ADD1: variants seen among roughly 807,000 people sequenced by gnomAD.
ADD1 encodes alpha-adducin.
Under a neutral mutation model 80.5 loss-of-function variants are expected in ADD1, and 24 were observed. The observed-to-expected ratio is 0.30, with a 90% CI of 0.22 to 0.42. The LOEUF is 0.42. Ranked by LOEUF, ADD1 falls within the 10% of genes least tolerant of loss-of-function variation. ADD1 has a pLI of 1.00. For synonymous variants in ADD1, 373 were observed against 393.8 expected (o/e 0.95, Z 0.63); for missense variants, 948 against 1,019.0 (o/e 0.93, Z 0.95).
At chr4:2,883,612 C>CTTG (rs1169624140) in intron 3 of ADD1, among the ~76,000 whole-genome samples, 1 of 152,018 alleles carries the variant, frequency 6.6e-6, no homozygotes, top group African/African-American at 2.4e-5. Flanking sequence ...CAGCTCACTA[C>CTTG]AACCTTGAAC....
chr4:2,926,532 C>G lies in ADD1; in HGVS notation c.2047+420C>G. ...CCCTCGGTCTCGTACATCCATGTCT[C>G]TCGTGAAGCCCGTGGCCCTGCCTTT... is the stretch of plus-strand genomic sequence containing the variant. On this transcript the variant is annotated intron_variant, in intron 15 of 15. Coordinates refer to ENST00000683351, the MANE Select transcript of ADD1 (RefSeq NM_001354761.2). This position sits in a 1 kb window ranked among gnomAD's most constrained non-coding sequence, Gnocchi z 5.0. 8.4e-7 allele frequency: 1 copy of G among 1,183,962 alleles called. No individual in the cohort carries two copies. The highest frequency in any genetic ancestry group is 1.2e-6 in the Non-Finnish European group (1 of 813,410). The allele number at this position is 1,183,962 out of a possible 1,614,324, so 73.3% of individuals were successfully genotyped here.
In ADD1 at chr4:2,926,512, G is replaced by T; in HGVS notation, c.2047+400G>T. ...GTGTGATCCCGGGTGTCTGTCCCTC[G>T]GTCTCGTACATCCATGTCTCTCGTG... On this transcript the variant is annotated intron_variant, in intron 15 of 15. Coordinates refer to ENST00000683351, the MANE Select transcript of ADD1 (RefSeq NM_001354761.2). The surrounding 1 kb of genome is among the most constrained non-coding windows in gnomAD (Gnocchi z 5.0). 1 of 965,370 alleles carries T rather than the reference G, an allele frequency of 1.0e-6. No homozygotes were observed. The highest frequency in any genetic ancestry group is 1.4e-5 in the South Asian group (1 of 70,982). The allele number at this position is 965,370 out of a possible 1,614,324, so 59.8% of individuals were successfully genotyped here.
At chr4:2,911,440 A>AT (rs1738008130) in intron 13 of ADD1, among the ~76,000 whole-genome samples, 1 of 128,878 alleles carries the variant, frequency 7.8e-6, no homozygotes, top group African/African-American at 3.2e-5. Context: ...ACATATATAT[A>AT]TATATATATT....
intron 14 of ADD1, among the ~76,000 whole-genome samples, chr4:2,919,846 T>A (rs1217406235): frequency 1.3e-5 from 2 of 152,202 alleles, no homozygotes; most frequent in Non-Finnish European, 2.9e-5. Flanking sequence ...CCTTCAGTTC[T>A]GCACTCGTCT....
At chr4:2,854,400 A>G (rs1727761767) in intron 1 of ADD1, among the ~76,000 whole-genome samples, 1 of 152,184 alleles carries the variant, frequency 6.6e-6, no homozygotes, top group Non-Finnish European at 1.5e-5. Flanking sequence ...AAGGTTCTGT[A>G]TATCTCTAAT....
At chr4:2,869,548 CAT>C (rs1298326895) in intron 1 of ADD1, among the ~76,000 whole-genome samples, 2 of 152,272 alleles carry the variant, frequency 1.3e-5, no homozygotes, top group African/African-American at 4.8e-5. Context: ...AGGGCTTCAA[CAT>C]GTGAATTTTG....
At chr4:2,861,757 A>T (rs1431731252) in intron 1 of ADD1, among the ~76,000 whole-genome samples, 1 of 152,116 alleles carries the variant, frequency 6.6e-6, no homozygotes, top group Non-Finnish European at 1.5e-5. Flanking sequence ...GGTGGCTCTA[A>T]TGTATGACGA....
intron 1 of ADD1, 30 bp from the exon 2 acceptor site, chr4:2,875,866 A>G (rs1461231897): frequency 1.3e-6 from 2 of 1,497,966 alleles, no homozygotes; most frequent in African/African-American, 1.4e-5. Context: ...TGATTTGAAA[A>G]CAATAATTTC....
In ADD1 at chr4:2,928,316, C is replaced by A; in HGVS notation, c.2193C>A (p.Ser731Arg). ...EKEEEAHRPP[S>R]PTEAPTEASP... Reference sequence around the variant, plus strand: ...AGGAGGAAGCCCATAGACCCCCAAGCCCCACTGAGGCCCCTACTGAGGCCA... The same window carrying A: ...AGGAGGAAGCCCATAGACCCCCAAGACCCACTGAGGCCCCTACTGAGGCCA... Residue 731 changes from serine (S) to arginine (R), a missense_variant, in exon 16 of 16, where the codon AGC becomes AGA. Ser to Arg is a moderately radical substitution (Grantham distance 110). Coordinates refer to ENST00000683351, the MANE Select transcript of ADD1 (RefSeq NM_001354761.2). 2 of 1,614,034 alleles carry A rather than the reference C, an allele frequency of 1.2e-6. No homozygotes were observed. The highest frequency in any genetic ancestry group is 1.7e-6 in the Non-Finnish European group (2 of 1,180,030).
chr4:2,873,866 G>A (rs1351254713), intron 1 of ADD1, among the ~76,000 whole-genome samples: 1 of 152,076 alleles, frequency 6.6e-6, no homozygotes, highest in South Asian at 2.1e-4. Flanking sequence ...AAATAGATTG[G>A]GTAACCAGAA....
chr4:2,926,589 T>A lies in ADD1; in HGVS notation c.2047+477T>A. The A allele has an allele frequency of 6.2e-7, 1 of 1,602,508 alleles. No individual in the cohort carries two copies. On this transcript the variant is annotated intron_variant, in intron 15 of 15. Coordinates refer to ENST00000683351, the MANE Select transcript of ADD1 (RefSeq NM_001354761.2). The surrounding 1 kb of genome is among the most constrained non-coding windows in gnomAD (Gnocchi z 5.0). ...CTGTAACCTGATGGCTGTGACTGAA[T>A]GCATAGATTCTCTCCTTGTGCTTTT...
In ADD1 at chr4:2,929,219, A is replaced by T. The variant is rs1284623384; in HGVS notation, c.*696A>T. The stretch of plus-strand genomic sequence containing the variant: ...TCTGGATTCCTGTCATAGGGAAGGT[A>T]TATCAGGAGGGGAAGAGGCCTTTCT... On this transcript the variant is annotated 3_prime_UTR_variant, in exon 16 of 16. Transcript: ENST00000683351. The T allele has an allele frequency of 6.6e-6, 1 of 152,224 alleles. No individual in the cohort carries two copies. The highest frequency in any genetic ancestry group is 2.4e-5 in the African/African-American group (1 of 41,452). The allele number at this position is 152,224 out of a possible 1,614,324, so 9.4% of individuals were successfully genotyped here. A position where few individuals can be genotyped will look rare whatever the true frequency, so the allele number is the denominator to read the frequency against.
At chr4:2,907,887 T>C (rs1255380267) in intron 11 of ADD1, 43 bp downstream of exon 11, 1 of 1,511,756 alleles carries the variant, frequency 6.6e-7, no homozygotes, top group Non-Finnish European at 9.2e-7. Context: ...GGGTGTGGGA[T>C]TGGAAGGGAT....
intron 3 of ADD1, among the ~76,000 whole-genome samples, chr4:2,883,723 G>A (rs1043663803): frequency 6.6e-6 from 1 of 151,632 alleles, no homozygotes; most frequent in Non-Finnish European, 1.5e-5. Flanking sequence ...CTGGGCTGCA[G>A]TGCAGTGGCG....
intron 1 of ADD1, among the ~76,000 whole-genome samples, chr4:2,846,718 C>G (rs1169070491): frequency 6.6e-6 from 1 of 150,924 alleles, no homozygotes; most frequent in Non-Finnish European, 1.5e-5. Context: ...GGCCTGTAAT[C>G]GTAGCTGCTC....
chr4:2,846,510 A>T lies in ADD1; in HGVS notation c.-21+2486A>T, dbSNP rs1206498957. Among the ~76,000 whole-genome samples, 3 of 152,236 alleles carry T rather than the reference A, an allele frequency of 2.0e-5. No individual in the cohort carries two copies. The South Asian group carries it at 6.2e-4, about 31-fold the overall frequency. On this transcript the variant is annotated intron_variant, in intron 1 of 15. Coordinates refer to ENST00000683351, the MANE Select transcript of ADD1 (RefSeq NM_001354761.2). ...TTGAATATATTGATATTTGAATTCT[A>T]TAACTTCTTTTATTAAATAGAATAT...
At chr4:2,864,619 T>C (rs556492993) in intron 1 of ADD1, among the ~76,000 whole-genome samples, 1 of 152,168 alleles carries the variant, frequency 6.6e-6, no homozygotes, top group Non-Finnish European at 1.5e-5. Context: ...GGAGTCCTGC[T>C]CTGTGTGCCC....
chr4:2,895,918 C>A lies in ADD1; in HGVS notation c.741+1187C>A, dbSNP rs531735315. Among the ~76,000 whole-genome samples the A allele has an allele frequency of 1.5e-3, 222 of 149,062 alleles. 2 individuals carry two copies. Among genetic ancestry groups the A allele is most frequent in the Non-Finnish European group, 2.1e-3 (139 of 67,600 alleles). ...TTTTTTTTTTTTTGAGACGGAGTCTCGCTCTGTCATCCAGGCTGGAGTGCA... is the reference window on the plus strand; with the variant it reads ...TTTTTTTTTTTTTGAGACGGAGTCTAGCTCTGTCATCCAGGCTGGAGTGCA... On this transcript the variant is annotated intron_variant, in intron 6 of 15. Coordinates refer to ENST00000683351, the MANE Select transcript of ADD1 (RefSeq NM_001354761.2).
At chr4:2,866,192 A>G (rs1231569132) in intron 1 of ADD1, among the ~76,000 whole-genome samples, 2 of 152,180 alleles carry the variant, frequency 1.3e-5, no homozygotes, top group East Asian at 1.9e-4. Context: ...TTTTTGAGGC[A>G]GTCTCCCTCT....
Sources: gnomAD v4.1 joint callset for allele counts (sites outside exome capture counted in the v4.1 genomes callset) on GRCh38, gnomAD v4.1.1 for gene constraint, Gnocchi (gnomAD v3.1) non-coding constraint, MANE v1.5 for transcripts, NCBI Gene and HGNC (gene_info 2026-07-23, HGNC 2026-07-21) for gene names.